RABGAP1L: variants seen among roughly 807,000 people sequenced by gnomAD.
The protein encoded by RABGAP1L is RAB GTPase activating protein 1 like, also known as rab GTPase-activating protein 1-like.
A neutral mutation model predicts 137.7 loss-of-function variants in RABGAP1L; 63 were observed. The observed-to-expected ratio is 0.46, with a 90% confidence interval of 0.37 to 0.56. RABGAP1L has a LOEUF of 0.56. Ranked by LOEUF, RABGAP1L falls within the 20% of genes least tolerant of loss-of-function variation. The probability of loss-of-function intolerance (pLI) is 0.00; values close to 1 mark genes in which losing one functional copy is unlikely to be tolerated. For missense variants in RABGAP1L, 1,095 were observed against 1,244.0 expected (o/e 0.88, Z 1.80); for synonymous variants, 431 against 433.7 (o/e 0.99, Z 0.08).
chr1:174,945,529 G>A (rs1438056810), intron 19 of RABGAP1L: 5 of 151,640 alleles, frequency 3.3e-5, no homozygotes, highest in Middle Eastern at 3.4e-3. Context: ...TACAGTGAGA[G>A]AAGAATTTTT....
chr1:174,800,375 A>C, intron 18 of RABGAP1L: 1 of 1,550,590 alleles, frequency 6.4e-7, no homozygotes, highest in Non-Finnish European at 8.7e-7. Flanking sequence ...TGCTAAGCTC[A>C]CACCTCCTGT....
intron 13 of RABGAP1L, among the ~76,000 whole-genome samples, chr1:174,440,601 TCTCA>T (rs1348175781): frequency 6.6e-6 from 1 of 152,222 alleles, no homozygotes; most frequent in Non-Finnish European, 1.5e-5. Flanking sequence ...TTTGAGACAG[TCTCA>T]CTCTGTTGCT....
chr1:174,662,105 T>TTC (rs1402882340), intron 14 of RABGAP1L, among the ~76,000 whole-genome samples: 8 of 110,064 alleles, frequency 7.3e-5, no homozygotes, highest in Non-Finnish European at 1.2e-4. Context: ...TTCTTTTCTT[T>TTC]TTTTTTTTTT....
chr1:174,253,694 C>T lies in RABGAP1L; in HGVS notation c.986+1104C>T, dbSNP rs114017545. 5.8e-3 allele frequency among the ~76,000 whole-genome samples: 878 copies of T among 152,208 alleles called. 4 individuals are homozygous for T. Among genetic ancestry groups the T allele is most frequent in the Non-Finnish European group, 7.9e-3 (536 of 68,020 alleles). On this transcript the variant is annotated intron_variant, in intron 7 of 25. Transcript: ENST00000681986. ...GTTACTTCTTGGGCAATCTGAACAA[C>T]AAAATAATTAGGTACTTCAGTCAAT...
intron 13 of RABGAP1L, among the ~76,000 whole-genome samples, chr1:174,613,349 C>A (rs935216924): frequency 1.3e-5 from 2 of 152,128 alleles, no homozygotes; most frequent in African/African-American, 4.8e-5. Flanking sequence ...TGTTCAGTTT[C>A]CATGTAGTTG....
At chr1:174,382,898 G>GT (rs1388841198) in intron 12 of RABGAP1L, among the ~76,000 whole-genome samples, 1 of 151,756 alleles carries the variant, frequency 6.6e-6, no homozygotes. Flanking sequence ...TTTCTGTTCT[G>GT]TTTTTTCCCC....
At chr1:174,531,734 A>G (rs1664424158) in intron 13 of RABGAP1L, among the ~76,000 whole-genome samples, 1 of 117,970 alleles carries the variant, frequency 8.5e-6, no homozygotes, top group Non-Finnish European at 1.7e-5. Context: ...ATATGGTGAG[A>G]TACTGTCTCG....
chr1:174,881,866 G>GT (rs554819875), intron 19 of RABGAP1L, among the ~76,000 whole-genome samples: 148 of 151,880 alleles, frequency 9.7e-4, no homozygotes, highest in African/African-American at 3.4e-3. Flanking sequence ...CAAACATTTT[G>GT]TTTTTTTGTT....
At chr1:174,177,946 G>T (rs931505423) in intron 1 of RABGAP1L, among the ~76,000 whole-genome samples, 3 of 152,078 alleles carry the variant, frequency 2.0e-5, no homozygotes, top group African/African-American at 7.2e-5. Context: ...TTTGCTTAAG[G>T]TTGTCTTGGC....
intron 17 of RABGAP1L, among the ~76,000 whole-genome samples, chr1:174,741,421 G>A (rs1340265673): frequency 1.3e-5 from 2 of 152,158 alleles, no homozygotes; most frequent in Non-Finnish European, 2.9e-5. Flanking sequence ...GGAGTGCAGT[G>A]GCATGATCAC....
At chr1:174,965,162 T>C (rs1669508473) in intron 20 of RABGAP1L, among the ~76,000 whole-genome samples, 1 of 152,138 alleles carries the variant, frequency 6.6e-6, no homozygotes, top group Non-Finnish European at 1.5e-5. Context: ...ACGGTGTCAG[T>C]TGTGTGAGAT....
chr1:174,255,133 C>A (rs1415022935), intron 7 of RABGAP1L, among the ~76,000 whole-genome samples: 2 of 151,972 alleles, frequency 1.3e-5, no homozygotes, highest in East Asian at 3.9e-4. Flanking sequence ...GCATAAATGT[C>A]TTCTTTTGAG....
At chr1:174,855,717 G>A (rs567668030) in intron 19 of RABGAP1L, among the ~76,000 whole-genome samples, 1 of 152,268 alleles carries the variant, frequency 6.6e-6, no homozygotes, top group South Asian at 2.1e-4. Context: ...TGAAAAGAAA[G>A]TCTCAAGTCA....
intron 13 of RABGAP1L, among the ~76,000 whole-genome samples, chr1:174,478,475 C>T (rs1235916840): frequency 6.6e-6 from 1 of 151,906 alleles, no homozygotes; most frequent in Admixed American, 6.6e-5. Context: ...TGGTGTCTCA[C>T]TGTGTTGCCC....
At chr1:174,588,249 C>T (rs922008735) in intron 13 of RABGAP1L, among the ~76,000 whole-genome samples, 25 of 151,934 alleles carry the variant, frequency 1.6e-4, no homozygotes, top group African/African-American at 4.6e-4. Context: ...CTGCAGCCTC[C>T]GCCTCTGGGG....
chr1:174,250,822 C>T (rs1412332247), intron 6 of RABGAP1L, among the ~76,000 whole-genome samples, 190 bp downstream of exon 6: 2 of 151,696 alleles, frequency 1.3e-5, no homozygotes, highest in Non-Finnish European at 2.9e-5. Context: ...GATGGAGTTT[C>T]GCTCTTGTCA....
intron 13 of RABGAP1L, among the ~76,000 whole-genome samples, chr1:174,623,262 G>C (rs1350696936): frequency 6.6e-6 from 1 of 152,182 alleles, no homozygotes; most frequent in Non-Finnish European, 1.5e-5. Context: ...TTACTCGTGA[G>C]AATACCACAG....
intron 7 of RABGAP1L, 117 bp downstream of exon 7, chr1:174,252,707 A>G: frequency 1.4e-6 from 2 of 1,393,526 alleles, no homozygotes; most frequent in Non-Finnish European, 1.9e-6. Flanking sequence ...AAAAATGAGG[A>G]TAATTAATAA....
At chr1:174,772,886 A>AT (rs372966323) in intron 18 of RABGAP1L, among the ~76,000 whole-genome samples, 1 of 152,050 alleles carries the variant, frequency 6.6e-6, no homozygotes, top group Non-Finnish European at 1.5e-5. Flanking sequence ...ATGACCCTTA[A>AT]TTTTTTTACT....
Sources: gnomAD v4.1 joint callset for allele counts (sites outside exome capture counted in the v4.1 genomes callset) on GRCh38, gnomAD v4.1.1 for gene constraint, MANE v1.5 for transcripts, NCBI Gene and HGNC (gene_info 2026-07-23, HGNC 2026-07-21) for gene names.